The following SNX29 variants were observed in gnomAD, a reference collection of about 807,000 sequenced individuals.
The protein encoded by SNX29 is sorting nexin-29.
In SNX29, 78 loss-of-function variants were observed where a neutral mutation model predicts 102.1. That is an observed-to-expected ratio of 0.76 (90% confidence interval 0.64 to 0.92). SNX29 has a LOEUF of 0.92. Ranked by LOEUF, SNX29 falls within the 40% of genes least tolerant of loss-of-function variation. The pLI is 0.00. For missense variants in SNX29, 1,280 were observed against 1,061.7 expected (o/e 1.21, Z -2.86); for synonymous variants, 580 against 414.5 (o/e 1.40, Z -4.85).
intron 15 of SNX29, among the ~76,000 whole-genome samples, chr16:12,316,748 C>T (rs1224081569): frequency 6.6e-6 from 1 of 152,278 alleles, no homozygotes; most frequent in East Asian, 1.9e-4. Context: ...CTGCCCCTGG[C>T]TTCTCTGCAT....
intron 9 of SNX29, among the ~76,000 whole-genome samples, chr16:12,065,993 C>G (rs1201573299): frequency 6.6e-6 from 1 of 152,082 alleles, no homozygotes; most frequent in Non-Finnish European, 1.5e-5. Context: ...CTGTGTGCAC[C>G]CCAGAGCGTC....
At chr16:12,542,439 T>G (rs1345883030) in intron 20 of SNX29, among the ~76,000 whole-genome samples, 1 of 152,092 alleles carries the variant, frequency 6.6e-6, no homozygotes, top group Non-Finnish European at 1.5e-5. Flanking sequence ...AAGTTCAATT[T>G]TGTTTCCTCA....
At chr16:12,354,473 G>A (rs543972506) in intron 15 of SNX29, among the ~76,000 whole-genome samples, 2 of 152,238 alleles carry the variant, frequency 1.3e-5, no homozygotes, top group South Asian at 4.1e-4. Context: ...GGTGTTTCCT[G>A]CATTTATGGA....
At chr16:12,529,216 TCAGTGTGGCC>T (rs1338097111) in intron 20 of SNX29, among the ~76,000 whole-genome samples, 1 of 152,138 alleles carries the variant, frequency 6.6e-6, no homozygotes, top group Non-Finnish European at 1.5e-5. Context: ...ACTCTGTATA[TCAGTGTGGCC>T]CAGGGGGGAC....
chr16:12,483,125 T>TTTTTTG lies in SNX29; in HGVS notation c.2178+5271_2178+5272insGTTTTT, dbSNP rs1597555829. Among the ~76,000 whole-genome samples, 5 of 127,994 alleles carry TTTTTTG rather than the reference T, an allele frequency of 3.9e-5. No homozygotes were observed. In the East Asian group the frequency reaches 7.0e-4, roughly 18 times the overall value. 84.0% of individuals were successfully genotyped at this position (127,994 alleles called of 152,430 possible). ...ATTGAAGTTATTAAGTTTTTTTTTT[T>TTTTTTG]TTTTTTTTTTTTTTTTTTGGAGACA... On this transcript the variant is annotated intron_variant, in intron 19 of 20. Transcript: ENST00000566228.
chr16:11,980,867 A>G (rs2150958992), intron 1 of SNX29, among the ~76,000 whole-genome samples: 1 of 152,222 alleles, frequency 6.6e-6, no homozygotes, highest in Middle Eastern at 3.4e-3. Context: ...GCTGATCTAT[A>G]AGAATCCTCT....
intron 4 of SNX29, among the ~76,000 whole-genome samples, chr16:12,042,410 G>T (rs556019360): frequency 1.3e-5 from 2 of 152,148 alleles, no homozygotes; most frequent in African/African-American, 2.4e-5. Flanking sequence ...TTTAGGGCAC[G>T]ATTGAACCCA....
chr16:12,431,336 C>T (rs1263431586), intron 18 of SNX29, among the ~76,000 whole-genome samples: 1 of 151,466 alleles, frequency 6.6e-6, no homozygotes, highest in African/African-American at 2.4e-5. Context: ...CAATTAACAG[C>T]CCCAGGGGTC....
chr16:11,992,778 C>T (rs962839965), intron 1 of SNX29, among the ~76,000 whole-genome samples: 11 of 152,174 alleles, frequency 7.2e-5, no homozygotes, highest in Non-Finnish European at 1.5e-4. Context: ...CTTGTACCTG[C>T]TTAATGTGTT....
intron 18 of SNX29, among the ~76,000 whole-genome samples, chr16:12,423,725 C>G (rs1237555710): frequency 6.6e-6 from 1 of 152,156 alleles, no homozygotes; most frequent in South Asian, 2.1e-4. Context: ...CGCGCACCAC[C>G]AAGCCTGGCT....
intron 18 of SNX29, among the ~76,000 whole-genome samples, chr16:12,458,234 C>T (rs748541357): frequency 1.1e-4 from 17 of 152,096 alleles, no homozygotes; most frequent in Admixed American, 3.3e-4. Flanking sequence ...CCTTAGTTGG[C>T]ATTTTGTAGC....
At chr16:12,137,982 G>C (rs2054724447) in intron 13 of SNX29, among the ~76,000 whole-genome samples, 1 of 152,156 alleles carries the variant, frequency 6.6e-6, no homozygotes, top group Non-Finnish European at 1.5e-5. Flanking sequence ...CTGGGATTCT[G>C]GCTGAGAAGG....
chr16:12,002,015 A>ATT (rs67366263), intron 2 of SNX29, among the ~76,000 whole-genome samples: 52,976 of 147,306 alleles, frequency 0.36, 9,949 homozygotes, highest in Non-Finnish European at 0.43. Context: ...GAGAGACCCT[A>ATT]TTTTTTTTTT....
At chr16:12,363,539 C>T (rs2082365873) in intron 16 of SNX29, among the ~76,000 whole-genome samples, 1 of 152,188 alleles carries the variant, frequency 6.6e-6, no homozygotes, top group Non-Finnish European at 1.5e-5. Flanking sequence ...GAGATTCTGC[C>T]AGTGAAACAG....
chr16:12,514,922 AAGAAAGAAAGAAAGAAAGAG>A (rs1567641672), intron 19 of SNX29, among the ~76,000 whole-genome samples: 1 of 99,122 alleles, frequency 1.0e-5, no homozygotes, highest in East Asian at 3.6e-4. Context: ...GAAAGAGAGA[AAGAAAGAAAGAAAGAAAGAG>A]AGAAAGAAAG....
At chr16:12,391,137 G>C (rs527694614) in intron 16 of SNX29, among the ~76,000 whole-genome samples, 1 of 152,038 alleles carries the variant, frequency 6.6e-6, no homozygotes, top group Admixed American at 6.5e-5. Flanking sequence ...GTTGAGATGG[G>C]GTCTCCCTGT....
intron 14 of SNX29, among the ~76,000 whole-genome samples, chr16:12,234,105 T>A (rs760203348): frequency 6.6e-6 from 1 of 152,230 alleles, no homozygotes; most frequent in Non-Finnish European, 1.5e-5. Flanking sequence ...TTCTCTCGGG[T>A]ATAACCTAGG....
intron 18 of SNX29, among the ~76,000 whole-genome samples, chr16:12,462,997 C>T (rs938610741): frequency 2.6e-5 from 4 of 152,202 alleles, no homozygotes; most frequent in Non-Finnish European, 4.4e-5. Context: ...ATAGCAGTGA[C>T]TCCAGCTATT....
intron 5 of SNX29, among the ~76,000 whole-genome samples, chr16:12,045,206 C>G (rs890161890): frequency 2.0e-5 from 3 of 152,184 alleles, no homozygotes; most frequent in Non-Finnish European, 4.4e-5. Flanking sequence ...ATTGGAAATG[C>G]GCCTCTTCTT....
Sources: allele counts gnomAD v4.1 joint callset (sites outside exome capture counted in the v4.1 genomes callset), GRCh38; gene constraint gnomAD v4.1.1; transcripts MANE v1.5; gene names NCBI Gene and HGNC (gene_info 2026-07-23, HGNC 2026-07-21).